Variants in DLGAP2 observed in about 807,000 individuals in gnomAD.
The protein encoded by DLGAP2 is DLG associated protein 2, also known as disks large-associated protein 2.
DLGAP2 carries 26 observed loss-of-function variants against 100.3 expected under a neutral mutation model. That is an observed-to-expected ratio of 0.26 (90% CI 0.19 to 0.36). DLGAP2 has a LOEUF of 0.36. DLGAP2 is among the 10% of genes least tolerant of loss of function. The pLI is 1.00. For missense variants in DLGAP2, 1,858 were observed against 1,453.2 expected (o/e 1.28, Z -4.53); for synonymous variants, 886 against 630.1 (o/e 1.41, Z -6.08).
intron 6 of DLGAP2, among the ~76,000 whole-genome samples, chr8:1,573,595 G>A (rs1017854425): frequency 2.7e-5 from 4 of 147,600 alleles, no homozygotes; most frequent in Non-Finnish European, 6.1e-5. Flanking sequence ...ATAACAGCTC[G>A]TTTATTCGGG....
chr8:1,144,988 C>A (rs945224780), intron 2 of DLGAP2, among the ~76,000 whole-genome samples: 1 of 152,196 alleles, frequency 6.6e-6, no homozygotes, highest in African/African-American at 2.4e-5. Context: ...ACAGACAAAC[C>A]ACAAATGGCC....
chr8:1,490,886 AC>A (rs1341957947), intron 3 of DLGAP2, among the ~76,000 whole-genome samples: 9 of 149,614 alleles, frequency 6.0e-5, no homozygotes, highest in African/African-American at 1.5e-4. Context: ...GGGTGGGGGG[AC>A]GGGGGAGGGA....
intron 2 of DLGAP2, among the ~76,000 whole-genome samples, chr8:1,162,713 C>A (rs1416937285): frequency 6.6e-6 from 1 of 152,164 alleles, no homozygotes; most frequent in Non-Finnish European, 1.5e-5. Flanking sequence ...TGCAAACAGC[C>A]CCAGGGAGTG....
intron 2 of DLGAP2, chr8:1,250,684 G>C (rs1799019927): frequency 1.3e-5 from 2 of 152,142 alleles, no homozygotes; most frequent in Non-Finnish European, 2.9e-5. Context: ...CTTTATTAAA[G>C]CCAGTCACTC....
At position 1,419,156 on chromosome 8, in the gene DLGAP2, A is replaced by G. The variant is rs138875477; in HGVS notation, c.107-82210A>G. On this transcript the variant is annotated intron_variant, in intron 3 of 14. Coordinates refer to ENST00000637795, the MANE Select transcript of DLGAP2 (RefSeq NM_001346810.2). ...TAAATTTGTTATTTTTAGTTGACTC[A>G]TAATAATTGTACATGTTTGTGGGAT... Among the ~76,000 whole-genome samples the G allele has an allele frequency of 9.9e-4, 150 of 152,202 alleles. 1 individual carries two copies. Among genetic ancestry groups the G allele is most frequent in the African/African-American group, 3.4e-3 (142 of 41,478 alleles).
intron 13 of DLGAP2, among the ~76,000 whole-genome samples, chr8:1,693,147 A>G (rs1025785182): frequency 2.4e-5 from 3 of 122,932 alleles, no homozygotes; most frequent in Non-Finnish European, 3.4e-5. Context: ...CATATAACAA[A>G]TATATAACAT....
At position 847,186 on chromosome 8, in the gene DLGAP2, C is replaced by T. The variant is rs1797086528; in HGVS notation, c.19-60726C>T. On this transcript the variant is annotated intron_variant, in intron 1 of 14. Coordinates refer to ENST00000637795, the MANE Select transcript of DLGAP2 (RefSeq NM_001346810.2). ...GTTATAGGAATATTCAGGTTTTCTG[C>T]TGCTTCTTGACACAATTCAGGAAAA... 2.6e-5 allele frequency among the ~76,000 whole-genome samples: 4 copies of T among 152,182 alleles called. No individual in the cohort carries two copies. In the South Asian group the frequency reaches 8.3e-4, roughly 31 times the overall value.
At chr8:754,485 A>G (rs1174915390) in intron 1 of DLGAP2, among the ~76,000 whole-genome samples, 1 of 152,212 alleles carries the variant, frequency 6.6e-6, no homozygotes, top group African/African-American at 2.4e-5. Context: ...CAATGGTTGC[A>G]GTGTCATTAT....
At chr8:764,962 T>C (rs1821174161) in intron 1 of DLGAP2, among the ~76,000 whole-genome samples, 1 of 152,240 alleles carries the variant, frequency 6.6e-6, no homozygotes, top group African/African-American at 2.4e-5. Flanking sequence ...CAGAATAGAT[T>C]CAATAAAGCT....
intron 2 of DLGAP2, among the ~76,000 whole-genome samples, chr8:946,467 A>G (rs11137114): frequency 0.16 from 24,091 of 151,688 alleles, 1,986 homozygotes; most frequent in South Asian, 0.2. Context: ...GTTTCACCAT[A>G]TTAGCCAGGA....
chr8:1,259,351 G>T (rs149100980), intron 3 of DLGAP2, among the ~76,000 whole-genome samples: 4 of 152,160 alleles, frequency 2.6e-5, no homozygotes, highest in South Asian at 2.1e-4. Flanking sequence ...AACTTTCTAC[G>T]CAAGTCTCCT....
At chr8:789,993 C>T (rs893953776) in intron 1 of DLGAP2, among the ~76,000 whole-genome samples, 1 of 152,204 alleles carries the variant, frequency 6.6e-6, no homozygotes, top group East Asian at 1.9e-4. Flanking sequence ...TGCCGCCTCC[C>T]AGGATGGCAG....
At chr8:837,341 A>G (rs1796898313) in intron 1 of DLGAP2, among the ~76,000 whole-genome samples, 1 of 152,238 alleles carries the variant, frequency 6.6e-6, no homozygotes, top group African/African-American at 2.4e-5. Flanking sequence ...TTTGTGTTCC[A>G]GCCACTTTTC....
chr8:1,252,177 C>T (rs1393846053), intron 2 of DLGAP2, among the ~76,000 whole-genome samples: 1 of 147,018 alleles, frequency 6.8e-6, no homozygotes. Flanking sequence ...TGTCCTGGGT[C>T]ACGGTGTCAC....
chr8:777,790 C>T (rs1821566546), intron 1 of DLGAP2, among the ~76,000 whole-genome samples: 1 of 152,082 alleles, frequency 6.6e-6, no homozygotes. Context: ...AACATTTTTT[C>T]CTTCGTTTTG....
intron 2 of DLGAP2, among the ~76,000 whole-genome samples, chr8:1,159,449 A>T (rs894858364): frequency 6.6e-5 from 10 of 152,224 alleles, no homozygotes; most frequent in Admixed American, 5.2e-4. Context: ...GTATGTCGAC[A>T]ATTAATACGC....
chr8:1,287,739 T>TAGG (rs1180405113), intron 3 of DLGAP2, among the ~76,000 whole-genome samples: 1 of 76,016 alleles, frequency 1.3e-5, no homozygotes, highest in Non-Finnish European at 2.4e-5. Context: ...GTGGTTCTGT[T>TAGG]AGGGGAACTA....
At chr8:1,201,308 C>T (rs1359454165) in intron 2 of DLGAP2, among the ~76,000 whole-genome samples, 1 of 152,190 alleles carries the variant, frequency 6.6e-6, no homozygotes, top group African/African-American at 2.4e-5. Context: ...AGGTGTGAGG[C>T]CCTCAGCGAC....
intron 3 of DLGAP2, among the ~76,000 whole-genome samples, chr8:1,498,333 C>T (rs374577283): frequency 1.5e-4 from 23 of 151,448 alleles, no homozygotes; most frequent in African/African-American, 5.3e-4. Flanking sequence ...GAATTCTCTT[C>T]AGAATGTAGA....
Sources: allele counts gnomAD v4.1 joint callset (sites outside exome capture counted in the v4.1 genomes callset), GRCh38; gene constraint gnomAD v4.1.1; transcripts MANE v1.5; gene names NCBI Gene and HGNC (gene_info 2026-07-23, HGNC 2026-07-21).